The following PPP2R2B variants were observed in gnomAD, a reference collection of about 807,000 sequenced individuals.
PPP2R2B encodes the protein protein phosphatase 2 regulatory subunit Bbeta.
A neutral mutation model predicts 46.0 loss-of-function variants in PPP2R2B; 5 were observed. The observed-to-expected ratio is 0.11, with a 90% CI of 0.06 to 0.23. PPP2R2B has a LOEUF of 0.23. Among genes scored for constraint, PPP2R2B ranks in the 10% least tolerant of loss-of-function variants. PPP2R2B has a pLI of 1.00. For synonymous variants in PPP2R2B, 215 were observed against 206.7 expected (o/e 1.04, Z -0.34); for missense variants, 367 against 575.0 (o/e 0.64, Z 3.70).
At chr5:147,081,366 G>C in exon 1 of PPP2R2B, 1 of 1,449,072 alleles carries the variant, frequency 6.9e-7, no homozygotes, top group Non-Finnish European at 9.4e-7. Flanking sequence ...CGTTTGACCA[G>C]GCCAGGACCA....
Position 146,878,628 on chromosome 5 carries a change from G to A in PPP2R2B, c.-162C>T. The A allele has an allele frequency of 8.0e-7, 1 of 1,246,428 alleles. No individual in the cohort carries two copies. Among genetic ancestry groups the A allele is most frequent in the Non-Finnish European group, 1.0e-6 (1 of 967,590 alleles). The allele number at this position is 1,246,428 out of a possible 1,614,324, so 77.2% of individuals were successfully genotyped here. A position where few individuals can be genotyped will look rare whatever the true frequency, so the allele number is the denominator to read the frequency against. On this transcript the variant is annotated 5_prime_UTR_variant, in exon 1 of 10. Transcript: ENST00000394411. This position sits in a 1 kb window ranked among gnomAD's most constrained non-coding sequence, Gnocchi z 4.5. ...AGGGTGCTGGTCCCACGGGAGGGCG[G>A]CTCCGGCAGGCGGGGGTAGGGAAGC...
rs577379330 is a variant in PPP2R2B, at chr5:146,906,757, C to T, written c.79+148908G>A. On this transcript the variant is annotated intron_variant, in intron 1 of 8. Transcript: ENST00000336640. ...CACTGGAAAACTTTTAAATTATGTA[C>T]CTGGCTCACCTTATACGTCTATTGG... 4.4e-3 allele frequency among the ~76,000 whole-genome samples: 670 copies of T among 152,232 alleles called. 8 individuals are homozygous for T. Among genetic ancestry groups the T allele is most frequent in the African/African-American group, 0.015 (624 of 41,536 alleles).
intron 1 of PPP2R2B, among the ~76,000 whole-genome samples, chr5:146,968,884 G>A (rs1285665779): frequency 6.6e-6 from 1 of 152,208 alleles, no homozygotes; most frequent in Non-Finnish European, 1.5e-5. Flanking sequence ...TAGTAATTAG[G>A]AAGAAATGAG....
chr5:147,025,876 A>C (rs141430735), intron 1 of PPP2R2B, among the ~76,000 whole-genome samples: 1 of 152,268 alleles, frequency 6.6e-6, no homozygotes, highest in African/African-American at 2.4e-5. Context: ...GAACATAAAA[A>C]GATACCCTGC....
At chr5:146,721,408 G>T (rs1482240967) in intron 2 of PPP2R2B, among the ~76,000 whole-genome samples, 2 of 152,272 alleles carry the variant, frequency 1.3e-5, no homozygotes, top group East Asian at 3.9e-4. Flanking sequence ...ACATCCAGAG[G>T]CTCTTTCAAA....
chr5:146,913,472 G>A (rs1043952858), intron 1 of PPP2R2B, among the ~76,000 whole-genome samples: 11 of 151,926 alleles, frequency 7.2e-5, no homozygotes, highest in Admixed American at 2.0e-4. Flanking sequence ...AGAAATAGAG[G>A]CCAACATATA....
At chr5:146,639,821 G>A (rs1420598208) in intron 6 of PPP2R2B, among the ~76,000 whole-genome samples, 2 of 152,092 alleles carry the variant, frequency 1.3e-5, no homozygotes, top group African/African-American at 2.4e-5. Flanking sequence ...AAAATCATGG[G>A]TTTAATAAGG....
In PPP2R2B at chr5:146,665,708, G is replaced by A. The variant is rs116465156; in HGVS notation, c.448-14984C>T. Among the ~76,000 whole-genome samples the A allele has an allele frequency of 9.3e-3, 1,418 of 152,258 alleles. 25 individuals are homozygous for A. Among genetic ancestry groups the A allele is most frequent in the African/African-American group, 0.032 (1,341 of 41,540 alleles). ...CAGTGTTGGGCCTGTGTTGGCTTTC[G>A]ACATGTCTTCCTCACTAAGCTTAAT... On this transcript the variant is annotated intron_variant, in intron 5 of 9. Transcript: ENST00000394411.
intron 2 of PPP2R2B, among the ~76,000 whole-genome samples, chr5:146,872,874 C>G (rs1344476965): frequency 6.6e-6 from 1 of 152,216 alleles, no homozygotes; most frequent in Non-Finnish European, 1.5e-5. Context: ...CTTCCTTGTA[C>G]TTTCTCACTC....
Position 146,586,908 on chromosome 5 carries a change from CT to C in PPP2R2B, c.*3038del, listed in dbSNP as rs1261289581. 1.3e-5 allele frequency: 2 copies of C among 152,162 alleles called. No individual in the cohort carries two copies. Among genetic ancestry groups the C allele is most frequent in the African/African-American group, 4.8e-5 (2 of 41,426 alleles). The allele number at this position is 152,162 out of a possible 1,614,324, so 9.4% of individuals were successfully genotyped here. A position where few individuals can be genotyped will look rare whatever the true frequency, so the allele number is the denominator to read the frequency against. ...AGTACGAATGTCTACCAAAGTTCAG[CT>C]TTTTGCATTACTTGTTTTTAACGTC... On this transcript the variant is annotated 3_prime_UTR_variant, in exon 10 of 10. Coordinates refer to ENST00000394411, the MANE Select transcript of PPP2R2B (RefSeq NM_181675.4).
chr5:146,966,316 C>G (rs1013347102), intron 1 of PPP2R2B, among the ~76,000 whole-genome samples: 1 of 152,212 alleles, frequency 6.6e-6, no homozygotes, highest in Non-Finnish European at 1.5e-5. Context: ...ATGGAAGAGG[C>G]TGTTGTGTCC....
chr5:146,772,383 CAT>C (rs33981708), intron 2 of PPP2R2B, among the ~76,000 whole-genome samples: 382 of 133,002 alleles, frequency 2.9e-3, no homozygotes, highest in Non-Finnish European at 3.4e-3. Context: ...ATAACTTGTG[CAT>C]ATATATATAT....
At chr5:146,897,875 A>G (rs192485522) in intron 1 of PPP2R2B, among the ~76,000 whole-genome samples, 25 of 152,320 alleles carry the variant, frequency 1.6e-4, no homozygotes, top group African/African-American at 5.8e-4. Flanking sequence ...GTTAAAATAT[A>G]CTGGTCAAGG....
intron 2 of PPP2R2B, among the ~76,000 whole-genome samples, chr5:146,761,806 C>A (rs1052495236): frequency 2.6e-5 from 4 of 151,814 alleles, no homozygotes; most frequent in African/African-American, 4.8e-5. Flanking sequence ...TAGCATGGTG[C>A]CTGGTGTGTA....
intron 7 of PPP2R2B, among the ~76,000 whole-genome samples, chr5:146,628,098 C>T (rs1189135233): frequency 6.6e-6 from 1 of 152,086 alleles, no homozygotes; most frequent in Non-Finnish European, 1.5e-5. Flanking sequence ...GTGTGCGCTA[C>T]CATGCCCAGC....
chr5:146,933,948 T>C (rs922779124), intron 1 of PPP2R2B, among the ~76,000 whole-genome samples: 2 of 151,658 alleles, frequency 1.3e-5, no homozygotes, highest in African/African-American at 4.8e-5. Context: ...TTTTTGTTCT[T>C]GTGATAGTTT....
chr5:146,626,154 G>C (rs1202336472), intron 7 of PPP2R2B, among the ~76,000 whole-genome samples: 1 of 152,196 alleles, frequency 6.6e-6, no homozygotes, highest in Non-Finnish European at 1.5e-5. Flanking sequence ...GTGAGAATTT[G>C]TTACAGCAGC....
intron 1 of PPP2R2B, chr5:147,040,829 A>T: frequency 2.3e-6 from 1 of 437,960 alleles, no homozygotes; most frequent in Non-Finnish European, 4.5e-6. Context: ...AAAAAACTGT[A>T]AAATAATAGT....
chr5:146,615,805 A>C lies in PPP2R2B; in HGVS notation c.791-15345T>G, dbSNP rs375387248. ...AATTGGAAGAATCAATACTGCTAAA[A>C]TGTCCATGCCACCCAAAGCAGTCTA... On this transcript the variant is annotated intron_variant, in intron 7 of 9. Transcript: ENST00000394411. 5.3e-5 allele frequency among the ~76,000 whole-genome samples: 8 copies of C among 152,340 alleles called. No homozygotes were observed. The East Asian group carries it at 1.3e-3, about 26-fold the overall frequency.
Sources: gnomAD v4.1 joint callset for allele counts (sites outside exome capture counted in the v4.1 genomes callset) on GRCh38, gnomAD v4.1.1 for gene constraint, Gnocchi (gnomAD v3.1) non-coding constraint, MANE v1.5 for transcripts, NCBI Gene and HGNC (gene_info 2026-07-23, HGNC 2026-07-21) for gene names.